RAC2: variants seen among roughly 807,000 people sequenced by gnomAD.
RAC2 encodes the protein ras-related C3 botulinum toxin substrate 2.
RAC2 carries 1 observed loss-of-function variant against 24.0 expected under a neutral mutation model. The observed-to-expected ratio is 0.04, with a 90% CI of 0.01 to 0.20. The LOEUF (loss-of-function observed/expected upper bound fraction) is 0.20. Ranked by LOEUF, RAC2 falls within the 10% of genes least tolerant of loss-of-function variation. The pLI is 1.00. For synonymous variants in RAC2, 114 were observed against 106.8 expected (o/e 1.07, Z -0.41); for missense variants, 130 against 259.1 (o/e 0.50, Z 3.42).
At chr22:37,232,638 A>C in intron 3 of RAC2, 163 bp downstream of exon 3, 1 of 662,212 alleles carries the variant, frequency 1.5e-6, no homozygotes, top group South Asian at 1.7e-5. Flanking sequence ...GTGCAAGAGG[A>C]AGCCCTTCTC....
chr22:37,239,098 G>A (rs1026901688), intron 2 of RAC2, among the ~76,000 whole-genome samples: 5 of 152,064 alleles, frequency 3.3e-5, no homozygotes, highest in African/African-American at 1.2e-4. Context: ...CAATGTCAAG[G>A]GCCCAGTGTG....
chr22:37,236,851 G>A (rs1184171396), intron 2 of RAC2, among the ~76,000 whole-genome samples: 1 of 152,206 alleles, frequency 6.6e-6, no homozygotes, highest in African/African-American at 2.4e-5. Flanking sequence ...TGGGGAACCA[G>A]CAAGGGGCCA....
intron 5 of RAC2, among the ~76,000 whole-genome samples, chr22:37,230,456 G>T (rs1927024168): frequency 6.6e-6 from 1 of 151,178 alleles, no homozygotes; most frequent in African/African-American, 2.5e-5. Flanking sequence ...CAGGGACAGG[G>T]ACAGGAACAG....
At chr22:37,241,043 C>T (rs866199132) in intron 2 of RAC2, 3 of 720,232 alleles carry the variant, frequency 4.2e-6, no homozygotes, top group African/African-American at 3.5e-5. Flanking sequence ...TGAGGGCTGG[C>T]CAGGGAGGGG....
chr22:37,244,086 CTG>C, intron 1 of RAC2, 26 bp downstream of exon 1: 1 of 1,614,088 alleles, frequency 6.2e-7, no homozygotes, highest in South Asian at 1.1e-5. Context: ...CAGTTGGGGG[CTG>C]TGAGGAAGTC....
rs547786394 is a variant in RAC2, at chr22:37,234,488, G to A, written c.108-1570C>T. Among the ~76,000 whole-genome samples, 162 of 152,196 alleles carry A rather than the reference G, an allele frequency of 1.1e-3. 1 individual carries two copies. The highest frequency in any genetic ancestry group is 1.8e-3 in the Non-Finnish European group (125 of 67,982). On this transcript the variant is annotated intron_variant, in intron 2 of 6. Coordinates refer to ENST00000249071, the MANE Select transcript of RAC2 (RefSeq NM_002872.5). ...TGCCCCAGGCCACAGCTGTGCCTCC[G>A]GGAATGCCCTCACCGCCTGCCCCTG...
intron 5 of RAC2, among the ~76,000 whole-genome samples, chr22:37,229,626 A>T (rs908113833): frequency 2.0e-5 from 3 of 152,182 alleles, no homozygotes; most frequent in African/African-American, 7.2e-5. Context: ...TATCCCTGCC[A>T]GTCCCCCCAG....
At chr22:37,243,458 C>T (rs553037154) in intron 1 of RAC2, among the ~76,000 whole-genome samples, 45 of 152,022 alleles carry the variant, frequency 3.0e-4, no homozygotes, top group African/African-American at 1.1e-3. Flanking sequence ...CTCCTTCCCT[C>T]TCTGTCTCTC....
At chr22:37,233,022 C>T in intron 2 of RAC2, 104 bp from the exon 3 acceptor site, 1 of 846,892 alleles carries the variant, frequency 1.2e-6, no homozygotes, top group East Asian at 2.5e-5. Flanking sequence ...GACCTAGAGA[C>T]AGTCTGCGAC....
chr22:37,230,059 G>T (rs1035768931), intron 5 of RAC2, among the ~76,000 whole-genome samples: 2 of 152,114 alleles, frequency 1.3e-5, no homozygotes, highest in Non-Finnish European at 2.9e-5. Flanking sequence ...ATGAATCCTT[G>T]ATATTTAAAA....
In RAC2 at chr22:37,231,241, G is replaced by C; in HGVS notation, c.438C>G (p.Ala146=). ...PITYPQGLAL[A]KEIDSVKYLE... ...GCCCGAGGCCCATACCAATCTCCTT[G>C]GCCAGTGCCAGGCCCTGCGGGTAGG... is the stretch of plus-strand genomic sequence containing the variant. The change falls in exon 5 of 7, where the codon GCC becomes GCG. Residue 146 remains alanine, a synonymous_variant. Coordinates refer to ENST00000249071, the MANE Select transcript of RAC2 (RefSeq NM_002872.5). This position sits in a 1 kb window ranked among gnomAD's most constrained non-coding sequence, Gnocchi z 5.5. The C allele has an allele frequency of 6.2e-7, 1 of 1,613,380 alleles. No individual in the cohort carries two copies. The highest frequency in any genetic ancestry group is 2.2e-5 in the East Asian group (1 of 44,870).
At position 37,241,375 on chromosome 22, in the gene RAC2, C is replaced by T. The variant is rs56195234; in HGVS notation, c.107+212G>A. Among the ~76,000 whole-genome samples, 4 of 152,232 alleles carry T rather than the reference C, an allele frequency of 2.6e-5. No homozygotes were observed. The South Asian group carries it at 6.2e-4, about 24-fold the overall frequency. On this transcript the variant is annotated intron_variant, in intron 2 of 6. Coordinates refer to ENST00000249071, the MANE Select transcript of RAC2 (RefSeq NM_002872.5). ...AGGCCACCCCTCCTCCCTTCTACCC[C>T]TTCCTCCATACCCCATCCCGGGTTC...
chr22:37,243,210 G>A (rs1927459602), intron 1 of RAC2, among the ~76,000 whole-genome samples: 1 of 152,130 alleles, frequency 6.6e-6, no homozygotes, highest in South Asian at 2.1e-4. Flanking sequence ...ATGATGCTTA[G>A]GCTGGTCTCA....
chr22:37,231,596 G>A lies in RAC2; in HGVS notation c.289-206C>T, dbSNP rs897519316. 1.1e-5 allele frequency: 7 copies of A among 609,360 alleles called. No homozygotes were observed. Among genetic ancestry groups the A allele is most frequent in the South Asian group, 5.9e-5 (3 of 51,210 alleles). The allele number at this position is 609,360 out of a possible 1,614,324, so 37.7% of individuals were successfully genotyped here. Reference sequence around the variant, plus strand: ...CGACGTTGTGCAGGAAGGAGGGGGCGCATGATTGTAGGAAAGGAGGAGGCG... The same window carrying A: ...CGACGTTGTGCAGGAAGGAGGGGGCACATGATTGTAGGAAAGGAGGAGGCG... On this transcript the variant is annotated intron_variant, in intron 4 of 6. Coordinates refer to ENST00000249071, the MANE Select transcript of RAC2 (RefSeq NM_002872.5). This position sits in a 1 kb window ranked among gnomAD's most constrained non-coding sequence, Gnocchi z 5.5.
intron 1 of RAC2, among the ~76,000 whole-genome samples, chr22:37,243,025 C>T (rs1927452956): frequency 6.6e-6 from 1 of 152,110 alleles, no homozygotes; most frequent in African/African-American, 2.4e-5. Flanking sequence ...TAAGAGACAG[C>T]GTCTTGCTCT....
intron 2 of RAC2, among the ~76,000 whole-genome samples, chr22:37,237,995 G>T (rs1244991789): frequency 6.6e-6 from 1 of 151,996 alleles, no homozygotes; most frequent in Non-Finnish European, 1.5e-5. Context: ...GGAACTGAAT[G>T]ACAGGAAGCA....
chr22:37,229,094 C>T (rs1926976721), intron 5 of RAC2, among the ~76,000 whole-genome samples: 1 of 152,234 alleles, frequency 6.6e-6, no homozygotes, highest in African/African-American at 2.4e-5. Flanking sequence ...TTCCCTGGCA[C>T]CCAGCCACCC....
intron 5 of RAC2, among the ~76,000 whole-genome samples, chr22:37,230,753 C>A (rs747375855): frequency 6.6e-6 from 1 of 152,138 alleles, no homozygotes; most frequent in Non-Finnish European, 1.5e-5. Context: ...CCCTTTAGAT[C>A]TAATGCAGCG....
intron 3 of RAC2, 139 bp from the exon 4 acceptor site, chr22:37,232,133 G>C: frequency 1.2e-6 from 1 of 858,834 alleles, no homozygotes; most frequent in East Asian, 2.7e-5. Context: ...TCTGGGCAGA[G>C]CAGAGATACC....
Sources: allele counts gnomAD v4.1 joint callset (sites outside exome capture counted in the v4.1 genomes callset), GRCh38; gene constraint gnomAD v4.1.1; non-coding constraint Gnocchi (gnomAD v3.1); transcripts MANE v1.5; gene names NCBI Gene and HGNC (gene_info 2026-07-23, HGNC 2026-07-21).